The following ACTL8 variants were observed in gnomAD, a reference collection of about 807,000 sequenced individuals.
The protein encoded by ACTL8 is actin-like protein 8.
In ACTL8, 3 loss-of-function variants were observed where a neutral mutation model predicts 9.3. The observed-to-expected ratio is 0.32, with a 90% CI of 0.15 to 0.83. The LOEUF (loss-of-function observed/expected upper bound fraction) is 0.83, where lower values mean the gene tolerates loss of function less well. Among genes scored for constraint, ACTL8 ranks in the 40% least tolerant of loss-of-function variants. The probability of loss-of-function intolerance (pLI) is 0.57; values close to 1 mark genes in which losing one functional copy is unlikely to be tolerated. For synonymous variants in ACTL8, 224 were observed against 205.9 expected, an observed-to-expected ratio of 1.09 and a Z score of -0.75; for missense variants, 381 against 492.2, an observed-to-expected ratio of 0.77 and a Z score of 2.14.
intron 1 of ACTL8, among the ~76,000 whole-genome samples, chr1:17,762,526 C>T (rs552657294): frequency 6.7e-4 from 102 of 152,300 alleles, no homozygotes; most frequent in African/African-American, 2.3e-3. Flanking sequence ...GGCTCTGGCT[C>T]ACCTCCAGGC....
At position 17,811,796 on chromosome 1, in the gene ACTL8, T is replaced by A. The variant is rs545600209; in HGVS notation, c.-24-11189T>A. ...TTTGTGTGAGTCTATTCTTGGACACTCTGTTCTTTTCTACTGATCCATGTG... is the reference window on the plus strand; with the variant it reads ...TTTGTGTGAGTCTATTCTTGGACACACTGTTCTTTTCTACTGATCCATGTG... On this transcript the variant is annotated intron_variant, in intron 1 of 2. Coordinates refer to ENST00000375406, the MANE Select transcript of ACTL8 (RefSeq NM_030812.3). Among the ~76,000 whole-genome samples, 229 of 152,206 alleles carry A rather than the reference T, an allele frequency of 1.5e-3. 1 individual carries two copies. Among genetic ancestry groups the A allele is most frequent in the Non-Finnish European group, 2.8e-3 (188 of 68,000 alleles).
intron 1 of ACTL8, among the ~76,000 whole-genome samples, chr1:17,822,117 T>C (rs529394528): frequency 6.6e-6 from 1 of 152,232 alleles, no homozygotes; most frequent in Non-Finnish European, 1.5e-5. Context: ...AGGTGTTAGA[T>C]GCTTAGCTCA....
At position 17,800,228 on chromosome 1, in the gene ACTL8, A is replaced by G. The variant is rs1267112759; in HGVS notation, c.-24-22757A>G. Among the ~76,000 whole-genome samples, 22 of 152,226 alleles carry G rather than the reference A, an allele frequency of 1.4e-4. 1 individual carries two copies. Among genetic ancestry groups the G allele is most frequent in the Admixed American group, 1.4e-3 (22 of 15,282 alleles). On this transcript the variant is annotated intron_variant, in intron 1 of 2. Coordinates refer to ENST00000375406, the MANE Select transcript of ACTL8 (RefSeq NM_030812.3). ...GTTTCCCTTTTGGGTCATTTTAATA[A>G]TGTAAAACTTTTCTCCATACAAGTC...
intron 1 of ACTL8, among the ~76,000 whole-genome samples, chr1:17,760,532 T>A (rs2065993404): frequency 6.6e-6 from 1 of 152,112 alleles, no homozygotes; most frequent in Admixed American, 6.5e-5. Context: ...CATTTTTAGG[T>A]GTTTCAGGCA....
At chr1:17,760,133 C>T (rs1483384218) in intron 1 of ACTL8, among the ~76,000 whole-genome samples, 1 of 152,010 alleles carries the variant, frequency 6.6e-6, no homozygotes, top group African/African-American at 2.4e-5. Flanking sequence ...TTGTGTTATG[C>T]GTTTTCATAT....
Position 17,826,277 on chromosome 1 carries a change from C to T in ACTL8, c.859C>T (p.Leu287=), listed in dbSNP as rs761008927. 12 of 1,611,368 alleles carry T rather than the reference C, an allele frequency of 7.4e-6. No individual in the cohort carries two copies. The highest frequency in any genetic ancestry group is 1.0e-5 in the Non-Finnish European group (12 of 1,178,010). The change falls in exon 3 of 3, where the codon CTG becomes TTG. Residue 287 remains leucine (L), a synonymous_variant. Coordinates refer to ENST00000375406, the MANE Select transcript of ACTL8 (RefSeq NM_030812.3). This position sits in a 1 kb window ranked among gnomAD's most constrained non-coding sequence, Gnocchi z 4.5. ...VESVESCEIS[L]RPLLVSHVMA... is the part of the protein sequence containing the mutation. ...ATCCGTGGAGTCCTGCGAGATCTCC[C>T]TGCGCCCCCTGCTGGTCTCCCACGT...
intron 1 of ACTL8, among the ~76,000 whole-genome samples, chr1:17,764,333 C>A (rs571284648): frequency 1.7e-4 from 26 of 152,348 alleles, no homozygotes; most frequent in African/African-American, 5.3e-4. Flanking sequence ...AAGCTCCATG[C>A]CTGGCACATA....
At chr1:17,769,006 C>T (rs1330109167) in intron 1 of ACTL8, among the ~76,000 whole-genome samples, 1 of 152,132 alleles carries the variant, frequency 6.6e-6, no homozygotes, top group East Asian at 1.9e-4. Context: ...CTGCTATTTC[C>T]CTTTTATACA....
chr1:17,807,613 G>A (rs987018608), intron 1 of ACTL8, among the ~76,000 whole-genome samples: 2 of 152,146 alleles, frequency 1.3e-5, no homozygotes, highest in African/African-American at 4.8e-5. Flanking sequence ...ATCAGTGATA[G>A]ACTGGATTAA....
chr1:17,800,583 CTTTTTTTTT>C (rs59143238), intron 1 of ACTL8, among the ~76,000 whole-genome samples: 1 of 69,156 alleles, frequency 1.4e-5, no homozygotes, highest in Admixed American at 1.6e-4. Flanking sequence ...TGGTGTCAAT[CTTTTTTTTT>C]TTTTTTTTTT....
intron 1 of ACTL8, among the ~76,000 whole-genome samples, chr1:17,820,459 G>A (rs1032033929): frequency 6.6e-6 from 1 of 152,152 alleles, no homozygotes. Flanking sequence ...AGGCTATCTG[G>A]CTACTATACG....
intron 1 of ACTL8, among the ~76,000 whole-genome samples, chr1:17,789,506 G>C (rs1229619060): frequency 1.3e-5 from 2 of 152,124 alleles, no homozygotes; most frequent in Non-Finnish European, 1.5e-5. Context: ...TGTGAGAGCA[G>C]AGATGGGATG....
intron 2 of ACTL8, among the ~76,000 whole-genome samples, chr1:17,824,817 G>GT (rs2124196908): frequency 6.6e-6 from 1 of 152,268 alleles, no homozygotes; most frequent in African/African-American, 2.4e-5. Flanking sequence ...TAAATGGAGA[G>GT]TTTTAAATGG....
chr1:17,792,511 C>G (rs1218363577), intron 1 of ACTL8, among the ~76,000 whole-genome samples: 5 of 152,202 alleles, frequency 3.3e-5, no homozygotes, highest in Admixed American at 6.5e-5. Flanking sequence ...ACCAGAGATT[C>G]GTGTACAACA....
At chr1:17,798,095 C>T (rs1189015447) in intron 1 of ACTL8, among the ~76,000 whole-genome samples, 1 of 150,954 alleles carries the variant, frequency 6.6e-6, no homozygotes, top group Non-Finnish European at 1.5e-5. Flanking sequence ...CCTGGGTTCT[C>T]TCCTAGGATC....
intron 1 of ACTL8, among the ~76,000 whole-genome samples, chr1:17,781,723 T>G (rs74836421): frequency 0.018 from 2,667 of 152,166 alleles, 32 homozygotes; most frequent in Non-Finnish European, 0.025. Context: ...AAGGGCCATT[T>G]ATGGGTGGGC....
chr1:17,816,200 CT>C (rs34383884), intron 1 of ACTL8, among the ~76,000 whole-genome samples: 12,673 of 139,496 alleles, frequency 0.091, 772 homozygotes, highest in East Asian at 0.24. Flanking sequence ...ATATTAATAG[CT>C]TTTTTTTTTT....
rs2053680657 is a variant in ACTL8, at chr1:17,823,289, A to AG, written c.283dup (p.Val95GlyfsTer26). ...TTGGAGAACCACAGACGGGAGCAAG[A>AG]GGTCCCCCCTGTGATCATCACGGAG... On this transcript the variant is annotated frameshift_variant, in exon 2 of 3. Transcript: ENST00000375406. LOFTEE classifies it high-confidence loss of function. This position sits in a 1 kb window ranked among gnomAD's most constrained non-coding sequence, Gnocchi z 5.3. 2.5e-6 allele frequency: 4 copies of AG among 1,613,968 alleles called. No individual in the cohort carries two copies. Among genetic ancestry groups the AG allele is most frequent in the Non-Finnish European group, 3.4e-6 (4 of 1,180,020 alleles).
intron 1 of ACTL8, among the ~76,000 whole-genome samples, chr1:17,801,908 C>T (rs552100544): frequency 2.0e-5 from 3 of 152,286 alleles, no homozygotes; most frequent in Non-Finnish European, 4.4e-5. Flanking sequence ...TGCTTTTACC[C>T]TTATATCTAC....
Sources: gnomAD v4.1 joint callset for allele counts (sites outside exome capture counted in the v4.1 genomes callset) on GRCh38, gnomAD v4.1.1 for gene constraint, Gnocchi (gnomAD v3.1) non-coding constraint, MANE v1.5 for transcripts, NCBI Gene and HGNC (gene_info 2026-07-23, HGNC 2026-07-21) for gene names.